Variants in PAQR5 observed in about 807,000 individuals in gnomAD.
The protein encoded by PAQR5 is progestin and adipoQ receptor family member 5, also known as membrane progestin receptor gamma.
PAQR5 carries 20 observed loss-of-function variants against 34.5 expected under a neutral mutation model. The ratio of observed to expected loss-of-function variants is 0.58; its 90% CI spans 0.41 to 0.84. PAQR5 has a LOEUF of 0.84. PAQR5 is among the 40% of genes least tolerant of loss of function. The pLI, the probability that PAQR5 is intolerant of heterozygous loss-of-function variation, is 0.00. For synonymous variants in PAQR5, 131 were observed against 155.6 expected, an observed-to-expected ratio of 0.84 and a Z score of 1.18; for missense variants, 378 against 412.7, an observed-to-expected ratio of 0.92 and a Z score of 0.73.
chr15:69,299,511 G>A (rs1182213641), intron 1 of PAQR5, among the ~76,000 whole-genome samples: 3 of 152,208 alleles, frequency 2.0e-5, no homozygotes, highest in African/African-American at 7.2e-5. Flanking sequence ...GTGAGCCTGG[G>A]CTGAGCAGGA....
intron 4 of PAQR5, among the ~76,000 whole-genome samples, chr15:69,382,433 T>G (rs1305263736): frequency 6.6e-6 from 1 of 151,764 alleles, no homozygotes; most frequent in Admixed American, 6.6e-5. Context: ...GACCACAAGG[T>G]CAGGAGATCG....
At chr15:69,391,183 A>T (rs1022286756) in intron 6 of PAQR5, 1 of 153,454 alleles carries the variant, frequency 6.5e-6, no homozygotes. Context: ...GGCAGGTGAG[A>T]TATGCCCCAT....
In PAQR5 at chr15:69,384,710, T is replaced by G; in HGVS notation, c.213T>G (p.Tyr71Ter). Residue 71 changes from tyrosine to a stop codon, truncating the protein, a stop_gained, in exon 5 of 9, where the codon TAT becomes TAG. Transcript: ENST00000395407. LOFTEE classifies it high-confidence loss of function. ...CATGGAGGTTTGTGACTGCACTGTA[T>G]ATGACAGACATCAAGAATGACAGCT... Reference protein sequence around the residue: ...FFAWRFVTALYMTDIKNDSYS... With the variant: ...FFAWRFVTAL 6.2e-7 allele frequency: 1 copy of G among 1,614,068 alleles called. No individual in the cohort carries two copies. Among genetic ancestry groups the G allele is most frequent in the Non-Finnish European group, 8.5e-7 (1 of 1,179,956 alleles).
chr15:69,311,038 C>CAAAAAAAAAAAA (rs760679672), intron 1 of PAQR5, among the ~76,000 whole-genome samples: 1 of 36,118 alleles, frequency 2.8e-5, no homozygotes, highest in Non-Finnish European at 5.6e-5. Flanking sequence ...GACTCCGTCG[C>CAAAAAAAAAAAA]AAAAAATAAA....
Position 69,389,691 on chromosome 15 carries a change from T to A in PAQR5, c.423T>A (p.Asp141Glu), listed in dbSNP as rs1412366164. The A allele has an allele frequency of 1.2e-6, 2 of 1,614,216 alleles. No homozygotes were observed. The highest frequency in any genetic ancestry group is 3.3e-5 in the Admixed American group (2 of 60,020). Residue 141 changes from aspartate (D) to glutamate (E), a missense_variant, in exon 6 of 9, where the codon GAT becomes GAA. Asp to Glu is a conservative substitution (Grantham distance 45, BLOSUM62 2). Transcript: ENST00000395407. ...CCTACTCTGCATACACGTTCCCGGATGCGCTCATGTGCACCACTTTCCATG... is the reference window on the plus strand; with the variant it reads ...CCTACTCTGCATACACGTTCCCGGAAGCGCTCATGTGCACCACTTTCCATG... ...AIAYSAYTFP[D>E]ALMCTTFHDY...
chr15:69,349,109 C>T (rs529983224), intron 2 of PAQR5, among the ~76,000 whole-genome samples: 9 of 152,054 alleles, frequency 5.9e-5, no homozygotes, highest in African/African-American at 1.9e-4. Flanking sequence ...CGGTGGACTG[C>T]GCGGGGAAAA....
At chr15:69,340,215 G>T (rs1272500209) in intron 2 of PAQR5, among the ~76,000 whole-genome samples, 2 of 151,946 alleles carry the variant, frequency 1.3e-5, no homozygotes, top group South Asian at 2.1e-4. Context: ...CTTTTAGTAA[G>T]CAATACCTTT....
intron 2 of PAQR5, among the ~76,000 whole-genome samples, chr15:69,354,834 C>A (rs1043659789): frequency 6.6e-6 from 1 of 152,138 alleles, no homozygotes; most frequent in Admixed American, 6.5e-5. Flanking sequence ...TCAACAAGGG[C>A]CCAGAGAGAA....
rs187274688 is a variant in PAQR5, at chr15:69,332,591, G to A, written c.-276-4750G>A. Reference sequence around the variant, plus strand: ...CTCAGTAGCTGAGGCTTTGCTTTTTGACAATGGCAGCCTGAGTTTTAGTCT... The same window carrying A: ...CTCAGTAGCTGAGGCTTTGCTTTTTAACAATGGCAGCCTGAGTTTTAGTCT... On this transcript the variant is annotated intron_variant, in intron 1 of 8. Coordinates refer to ENST00000395407, the MANE Select transcript of PAQR5 (RefSeq NM_017705.4). Among the ~76,000 whole-genome samples the A allele has an allele frequency of 3.1e-3, 471 of 152,018 alleles. 2 individuals are homozygous for A. Among genetic ancestry groups the A allele is most frequent in the African/African-American group, 0.011 (460 of 41,462 alleles).
intron 2 of PAQR5, among the ~76,000 whole-genome samples, chr15:69,349,911 G>A (rs890258266): frequency 6.6e-6 from 1 of 152,010 alleles, no homozygotes; most frequent in African/African-American, 2.4e-5. Context: ...CAAAGTGTTG[G>A]GATTACAGGC....
chr15:69,384,026 G>C (rs2056018783), intron 4 of PAQR5, among the ~76,000 whole-genome samples: 1 of 109,384 alleles, frequency 9.1e-6, no homozygotes, highest in Non-Finnish European at 2.0e-5. Flanking sequence ...GGGTGAGTGG[G>C]CCTCTGTGCT....
chr15:69,378,655 A>G (rs1415316540), intron 3 of PAQR5, among the ~76,000 whole-genome samples: 2 of 152,104 alleles, frequency 1.3e-5, no homozygotes, highest in African/African-American at 4.8e-5. Flanking sequence ...GATTATGATT[A>G]CTAATATTAT....
chr15:69,375,342 G>A (rs1266413111), intron 3 of PAQR5, among the ~76,000 whole-genome samples: 1 of 152,108 alleles, frequency 6.6e-6, no homozygotes, highest in Non-Finnish European at 1.5e-5. Flanking sequence ...AGGCAGATTG[G>A]ATTAGGACCC....
intron 1 of PAQR5, among the ~76,000 whole-genome samples, chr15:69,315,124 T>TC (rs1184229296): frequency 6.6e-6 from 1 of 151,946 alleles, no homozygotes; most frequent in Non-Finnish European, 1.5e-5. Context: ...ACAGCTCAAG[T>TC]CAGATTTGAA....
At chr15:69,353,796 G>C (rs1286432046) in intron 2 of PAQR5, among the ~76,000 whole-genome samples, 3 of 152,154 alleles carry the variant, frequency 2.0e-5, no homozygotes, top group East Asian at 1.9e-4. Context: ...TGCTCTGCTG[G>C]TCTAAAGGTC....
intron 3 of PAQR5, among the ~76,000 whole-genome samples, chr15:69,373,320 G>A (rs986472269): frequency 2.4e-4 from 36 of 152,064 alleles, no homozygotes; most frequent in Admixed American, 1.1e-3. Context: ...CAATTAGGAT[G>A]TGAACATTTT....
intron 6 of PAQR5, among the ~76,000 whole-genome samples, chr15:69,394,056 G>A (rs1262812157): frequency 1.3e-5 from 2 of 151,938 alleles, no homozygotes; most frequent in African/African-American, 4.8e-5. Context: ...GTACTGTATG[G>A]ACAAATCACT....
At chr15:69,329,960 T>G (rs1280116705) in intron 1 of PAQR5, among the ~76,000 whole-genome samples, 1 of 152,182 alleles carries the variant, frequency 6.6e-6, no homozygotes, top group East Asian at 1.9e-4. Context: ...TTATTTCATT[T>G]TAGCTCCCCC....
chr15:69,404,386 G>A lies in PAQR5; in HGVS notation c.*564G>A, dbSNP rs2056722172. ...CTTCTTCCCTTCTCCACCTAGTGAA[G>A]GGAGAACAGAAGGGGAGTCCTCTCT... is the stretch of plus-strand genomic sequence containing the variant. On this transcript the variant is annotated 3_prime_UTR_variant, in exon 9 of 9. Transcript: ENST00000395407. 1 of 152,806 alleles carries A rather than the reference G, an allele frequency of 6.5e-6. No homozygotes were observed. The highest frequency in any genetic ancestry group is 1.5e-5 in the Non-Finnish European group (1 of 68,532). 9.5% of individuals were successfully genotyped at this position (152,806 alleles called of 1,614,324 possible).
Sources: allele counts gnomAD v4.1 joint callset (sites outside exome capture counted in the v4.1 genomes callset), GRCh38; gene constraint gnomAD v4.1.1; transcripts MANE v1.5; gene names NCBI Gene and HGNC (gene_info 2026-07-23, HGNC 2026-07-21).